Variants in ASPSCR1 observed in about 807,000 individuals in gnomAD.
The protein encoded by ASPSCR1 is ASPSCR1 tether for SLC2A4, UBX domain containing, also known as tether containing UBX domain for GLUT4.
Under a neutral mutation model 68.9 loss-of-function variants are expected in ASPSCR1, and 55 were observed. The observed-to-expected ratio is 0.80, with a 90% CI of 0.64 to 1.00. The LOEUF is 1.00. Ranked by LOEUF, ASPSCR1 falls within the 50% of genes least tolerant of loss-of-function variation. ASPSCR1 has a pLI of 0.00. For missense variants in ASPSCR1, 765 were observed against 762.2 expected, an observed-to-expected ratio of 1.00 and a Z score of -0.04; for synonymous variants, 352 against 332.6, an observed-to-expected ratio of 1.06 and a Z score of -0.63.
Position 82,016,504 on chromosome 17 carries a change from A to T in ASPSCR1, c.1382A>T (p.His461Leu). Residue 461 changes from histidine to leucine, a missense_variant, in exon 13 of 16, where the codon CAC (histidine) becomes CTC (leucine). Coordinates refer to ENST00000306739, the MANE Select transcript of ASPSCR1 (RefSeq NM_024083.4). ...QANLFPAALVHLGAEEPAGVY... is the reference protein window; with the variant it reads ...QANLFPAALVLLGAEEPAGVY... ...AACCTCTTCCCGGCCGCTCTGGTGC[A>T]CTTGGGAGCCGAGGAGCCGGCAGGT... 1 of 1,549,000 alleles carries T rather than the reference A, an allele frequency of 6.5e-7. No homozygotes were observed. Among genetic ancestry groups the T allele is most frequent in the Non-Finnish European group, 8.7e-7 (1 of 1,147,074 alleles).
intron 4 of ASPSCR1, among the ~76,000 whole-genome samples, chr17:81,989,793 G>A (rs1051590938): frequency 6.6e-6 from 1 of 152,132 alleles, no homozygotes; most frequent in Non-Finnish European, 1.5e-5. Flanking sequence ...GCCACACGTC[G>A]GCCATGGAGG....
intron 7 of ASPSCR1, among the ~76,000 whole-genome samples, chr17:82,003,970 C>T (rs1056807403): frequency 2.6e-5 from 4 of 152,214 alleles, no homozygotes; most frequent in African/African-American, 9.6e-5. Flanking sequence ...CGGGGCAGGC[C>T]GGGCCGAGAC....
chr17:82,006,594 C>A (rs1163813283), intron 7 of ASPSCR1: 1 of 152,266 alleles, frequency 6.6e-6, no homozygotes, highest in Non-Finnish European at 1.5e-5. Context: ...GGACGCCTCA[C>A]CCCCGGTTGA....
chr17:82,008,209 GGCA>G (rs2042787390), intron 7 of ASPSCR1: 1 of 152,578 alleles, frequency 6.6e-6, no homozygotes, highest in Non-Finnish European at 1.5e-5. Flanking sequence ...TAGGGCAGGA[GGCA>G]GCAGCCCGTG....
chr17:81,995,039 C>T (rs780777895), intron 5 of ASPSCR1, 161 bp downstream of exon 5: 2 of 786,706 alleles, frequency 2.5e-6, no homozygotes, highest in South Asian at 2.0e-5. Context: ...GGCCGGCCCT[C>T]GGAGCCCGGG....
chr17:82,004,335 C>T (rs2042637514), intron 7 of ASPSCR1: 1 of 152,024 alleles, frequency 6.6e-6, no homozygotes, highest in Non-Finnish European at 1.5e-5. Flanking sequence ...TTCTCCGGCC[C>T]CCTTCCAGTT....
intron 9 of ASPSCR1, among the ~76,000 whole-genome samples, chr17:82,010,421 CG>C (rs1567990219): frequency 2.0e-5 from 3 of 149,062 alleles, no homozygotes. Context: ...CCCAGCTGCT[CG>C]GGAGGCTGAG....
chr17:81,995,308 G>T, intron 5 of ASPSCR1: 1 of 348,438 alleles, frequency 2.9e-6, no homozygotes, highest in Non-Finnish European at 5.2e-6. Flanking sequence ...GGCCCGGAGG[G>T]GCCCTGGGGG....
At chr17:81,989,219 T>C (rs995972808) in intron 4 of ASPSCR1, among the ~76,000 whole-genome samples, 9 of 152,164 alleles carry the variant, frequency 5.9e-5, no homozygotes, top group Non-Finnish European at 1.3e-4. Context: ...GAAATAAATA[T>C]TAAATAAATT....
chr17:82,009,844 G>A (rs2042859247), intron 9 of ASPSCR1: 1 of 292,250 alleles, frequency 3.4e-6, no homozygotes, highest in Non-Finnish European at 6.6e-6. Flanking sequence ...TCTGAGCAGG[G>A]CCCCCCCGTG....
rs537449875 is a variant in ASPSCR1, at chr17:81,990,735, G to T, written c.375-4086G>T. On this transcript the variant is annotated intron_variant, in intron 4 of 15. Coordinates refer to ENST00000306739, the MANE Select transcript of ASPSCR1 (RefSeq NM_024083.4). The surrounding 1 kb of genome is among the most constrained non-coding windows in gnomAD (Gnocchi z 4.1). ...CTGGGGGTACACGGCCCTCCTGGAG[G>T]CACCCGGAGGAGGAAAGGGAGTACC... 3.3e-5 allele frequency among the ~76,000 whole-genome samples: 5 copies of T among 152,276 alleles called. No individual in the cohort carries two copies. Among genetic ancestry groups the T allele is most frequent in the South Asian group, 2.1e-4 (1 of 4,826 alleles).
At chr17:82,016,007 C>G (rs2043113557) in intron 12 of ASPSCR1, 1 of 172,888 alleles carries the variant, frequency 5.8e-6, no homozygotes, top group African/African-American at 2.4e-5. Context: ...TTTAACATCC[C>G]CCAGCCCCAC....
chr17:81,985,569 G>C lies in ASPSCR1; in HGVS notation c.336G>C (p.Gln112His), dbSNP rs1258090169. 1 of 1,614,048 alleles carries C rather than the reference G, an allele frequency of 6.2e-7. No individual in the cohort carries two copies. The highest frequency in any genetic ancestry group is 8.5e-7 in the Non-Finnish European group (1 of 1,180,032). The change falls in exon 4 of 16, where the codon CAG becomes CAC. Residue 112 changes from glutamine (Q) to histidine (H), a missense_variant. Physicochemically the swap from Gln to His is conservative, Grantham distance 24. Coordinates refer to ENST00000306739, the MANE Select transcript of ASPSCR1 (RefSeq NM_024083.4). ...SRLQDSFCSG[Q>H]TLWELLSHFP... ...TGCAGGACTCTTTCTGTTCAGGCCAGACCCTCTGGGAGCTTCTCAGCCATT... is the reference window on the plus strand; with the variant it reads ...TGCAGGACTCTTTCTGTTCAGGCCACACCCTCTGGGAGCTTCTCAGCCATT...
rs766818432 is a variant in ASPSCR1, at chr17:81,983,033, G to A, written c.159-521G>A. ...ATATTTTTGTATTTTCAGTAGAGAC[G>A]GGGTTTCACCATGTTGGTCAGGCTT... On this transcript the variant is annotated intron_variant, in intron 2 of 15. Transcript: ENST00000306739. The surrounding 1 kb of genome is among the most constrained non-coding windows in gnomAD (Gnocchi z 4.4). 1.6e-4 allele frequency among the ~76,000 whole-genome samples: 24 copies of A among 152,240 alleles called. No individual in the cohort carries two copies. The highest frequency in any genetic ancestry group is 6.2e-4 in the South Asian group (3 of 4,826).
In ASPSCR1 at chr17:81,977,835, T is replaced by C; in HGVS notation, c.102+87T>C. The C allele has an allele frequency of 9.7e-7, 1 of 1,035,298 alleles. No individual in the cohort carries two copies. The allele number at this position is 1,035,298 out of a possible 1,614,324, so 64.1% of individuals were successfully genotyped here. The stretch of plus-strand genomic sequence containing the variant: ...CCCATTGCGGTCGGCGTCCCGGTGT[T>C]CGGGGGCGGGGCCTCGGCGGCCAAT... On this transcript the variant is annotated intron_variant, in intron 1 of 15. Coordinates refer to ENST00000306739, the MANE Select transcript of ASPSCR1 (RefSeq NM_024083.4). This position sits in a 1 kb window ranked among gnomAD's most constrained non-coding sequence, Gnocchi z 5.0.
chr17:82,016,433 C>G (rs1292034564), intron 12 of ASPSCR1, 43 bp from the exon 13 acceptor site: 1 of 1,522,374 alleles, frequency 6.6e-7, no homozygotes, highest in East Asian at 2.5e-5. Flanking sequence ...CAGGGGGGTG[C>G]TCTGCCCACA....
Position 81,986,095 on chromosome 17 carries a change from T to G in ASPSCR1, c.374+488T>G, listed in dbSNP as rs893846802. Among the ~76,000 whole-genome samples the G allele has an allele frequency of 7.2e-5, 11 of 152,110 alleles. No individual in the cohort carries two copies. The highest frequency in any genetic ancestry group is 2.7e-4 in the African/African-American group (11 of 41,412). ...TTGAGATTACAGGTGTGAGCTCCTG[T>G]GCCCCACCAGAAAATCTTCCTAATA... is the stretch of plus-strand genomic sequence containing the variant. On this transcript the variant is annotated intron_variant, in intron 4 of 15. Transcript: ENST00000306739. This position sits in a 1 kb window ranked among gnomAD's most constrained non-coding sequence, Gnocchi z 5.2.
intron 4 of ASPSCR1, among the ~76,000 whole-genome samples, chr17:81,991,714 C>G (rs1287772825): frequency 6.6e-6 from 1 of 152,254 alleles, no homozygotes; most frequent in African/African-American, 2.4e-5. Flanking sequence ...GCTGGGCTGT[C>G]ATGTGGTGGG....
At chr17:82,003,733 C>T (rs1659383194) in intron 7 of ASPSCR1, among the ~76,000 whole-genome samples, 2 of 152,254 alleles carry the variant, frequency 1.3e-5, no homozygotes, top group African/African-American at 2.4e-5. Flanking sequence ...CCTGTCCACG[C>T]CGGTCGCAGC....
Sources: gnomAD v4.1 joint callset for allele counts (sites outside exome capture counted in the v4.1 genomes callset) on GRCh38, gnomAD v4.1.1 for gene constraint, Gnocchi (gnomAD v3.1) non-coding constraint, MANE v1.5 for transcripts, NCBI Gene and HGNC (gene_info 2026-07-23, HGNC 2026-07-21) for gene names.